Variants in LGI1 observed in about 807,000 individuals in gnomAD.
LGI1 encodes leucine rich glioma inactivated 1, also known as leucine-rich glioma-inactivated protein 1.
In LGI1, 11 loss-of-function variants were observed where a neutral mutation model predicts 57.7. That is an observed-to-expected ratio of 0.19 (90% CI 0.12 to 0.32). The LOEUF (loss-of-function observed/expected upper bound fraction) is 0.32, where lower values mean the gene tolerates loss of function less well. Among genes scored for constraint, LGI1 ranks in the 10% least tolerant of loss-of-function variants. The pLI, the probability that LGI1 is intolerant of heterozygous loss-of-function variation, is 1.00. For synonymous variants in LGI1, 222 were observed against 241.9 expected (o/e 0.92, Z 0.76); for missense variants, 422 against 661.9 (o/e 0.64, Z 3.98).
At chr10:93,793,988 C>CTTTCT (rs1247963279) in intron 7 of LGI1, 3 of 144,638 alleles carry the variant, frequency 2.1e-5, no homozygotes, top group South Asian at 2.3e-4. Flanking sequence ...GAATTTAATT[C>CTTTCT]TTTCTTTTCT....
Position 93,758,671 on chromosome 10 carries a change from A to G in LGI1, c.216-89A>G. 1.1e-6 allele frequency: 1 copy of G among 926,038 alleles called. No homozygotes were observed. The highest frequency in any genetic ancestry group is 1.8e-6 in the Non-Finnish European group (1 of 571,292). The allele number at this position is 926,038 out of a possible 1,614,324, so 57.4% of individuals were successfully genotyped here. A position where few individuals can be genotyped will look rare whatever the true frequency, so the allele number is the denominator to read the frequency against. The stretch of plus-strand genomic sequence containing the variant: ...GTGTCAAAATAGTCACTGTTATGCT[A>G]AACCGGATTAACATAAGGTTTGTTC... On this transcript the variant is annotated intron_variant, in intron 1 of 7. Coordinates refer to ENST00000371418, the MANE Select transcript of LGI1 (RefSeq NM_005097.4). This position sits in a 1 kb window ranked among gnomAD's most constrained non-coding sequence, Gnocchi z 4.7.
At chr10:93,777,741 T>C in intron 4 of LGI1, 124 bp downstream of exon 4, 1 of 719,566 alleles carries the variant, frequency 1.4e-6, no homozygotes, top group African/African-American at 1.8e-5. Flanking sequence ...ATGACTTCTC[T>C]CCATGCACAC....
At position 93,797,405 on chromosome 10, in the gene LGI1, A is replaced by T. The variant is rs1796251875; in HGVS notation, c.1276A>T (p.Ile426Phe). ...ACAATTATTCACTAACCAAACTGAC[A>T]TTCCTAACATGGAGGATGTGTACGC... The part of the protein sequence containing the change: ...ATQLFTNQTD[I>F]PNMEDVYAVK... The change falls in exon 8 of 8, where the codon ATT becomes TTT. Residue 426 changes from isoleucine to phenylalanine, a missense_variant. Coordinates refer to ENST00000371418, the MANE Select transcript of LGI1 (RefSeq NM_005097.4). This position sits in a 1 kb window ranked among gnomAD's most constrained non-coding sequence, Gnocchi z 6.5. The T allele has an allele frequency of 6.2e-7, 1 of 1,614,100 alleles. No homozygotes were observed. Among genetic ancestry groups the T allele is most frequent in the Non-Finnish European group, 8.5e-7 (1 of 1,180,050 alleles).
intron 2 of LGI1, chr10:93,776,919 G>A (rs918107281): frequency 1.2e-4 from 24 of 202,058 alleles, no homozygotes; most frequent in Admixed American, 9.1e-4. Flanking sequence ...TGTCTGTTAC[G>A]AGATGTCACA....
intron 4 of LGI1, among the ~76,000 whole-genome samples, chr10:93,782,240 G>T (rs1246656911): frequency 6.6e-6 from 1 of 152,184 alleles, no homozygotes; most frequent in Non-Finnish European, 1.5e-5. Flanking sequence ...CCTCAGATCA[G>T]TTCCTCGGCT....
chr10:93,792,341 C>A, intron 5 of LGI1: 1 of 187,672 alleles, frequency 5.3e-6, no homozygotes, highest in Non-Finnish European at 1.1e-5. Context: ...GATGATGTGT[C>A]AAAATGATAA....
intron 4 of LGI1, among the ~76,000 whole-genome samples, chr10:93,787,686 T>C (rs1385698257): frequency 4.6e-5 from 7 of 152,026 alleles, no homozygotes; most frequent in Admixed American, 2.6e-4. Flanking sequence ...GGCATGAGGA[T>C]AGCTTGAGCC....
intron 2 of LGI1, among the ~76,000 whole-genome samples, chr10:93,776,564 G>A (rs1469744828): frequency 2.0e-5 from 3 of 152,098 alleles, no homozygotes; most frequent in African/African-American, 7.2e-5. Flanking sequence ...AAGTAAAAGT[G>A]ATAAGCTTTA....
intron 2 of LGI1, chr10:93,776,952 C>A (rs11187663): frequency 0.023 from 5,418 of 232,578 alleles, 325 homozygotes; most frequent in African/African-American, 0.12. Context: ...ATGCAGCTTA[C>A]TTTTTTTTAG....
chr10:93,797,179 C>A lies in LGI1; in HGVS notation c.1050C>A (p.Asp350Glu). Reference protein sequence around the residue: ...IENNWYFVVADSSKAGFTTIY... With the variant: ...IENNWYFVVAESSKAGFTTIY... ...ACAACTGGTACTTTGTTGTTGCTGA[C>A]AGTTCAAAAGCTGGTTTTACTACCA... Residue 350 changes from aspartate to glutamate, a missense_variant, in exon 8 of 8, where the codon GAC (aspartate) becomes GAA (glutamate). Asp to Glu is a conservative substitution (Grantham distance 45). Coordinates refer to ENST00000371418, the MANE Select transcript of LGI1 (RefSeq NM_005097.4). This position sits in a 1 kb window ranked among gnomAD's most constrained non-coding sequence, Gnocchi z 6.5. The A allele has an allele frequency of 6.2e-7, 1 of 1,614,194 alleles. No individual in the cohort carries two copies. The highest frequency in any genetic ancestry group is 8.5e-7 in the Non-Finnish European group (1 of 1,180,042).
intron 4 of LGI1, among the ~76,000 whole-genome samples, chr10:93,781,532 T>C (rs12356127): frequency 0.44 from 66,452 of 151,656 alleles, 15,188 homozygotes; most frequent in Middle Eastern, 0.56. Context: ...CTGTCAAATG[T>C]TGGGATTCTC....
At chr10:93,788,565 G>A (rs1254014658) in intron 4 of LGI1, 1 of 152,176 alleles carries the variant, frequency 6.6e-6, no homozygotes, top group South Asian at 2.1e-4. Context: ...CTGGAGTCAG[G>A]ATTCAAACAT....
At chr10:93,784,686 C>G (rs1163452363) in intron 4 of LGI1, among the ~76,000 whole-genome samples, 2 of 152,126 alleles carry the variant, frequency 1.3e-5, no homozygotes, top group Non-Finnish European at 2.9e-5. Context: ...TTTTCTTCCT[C>G]CTATTCCTAA....
chr10:93,794,362 C>CTTT lies in LGI1; in HGVS notation c.838+1029_838+1031dup, dbSNP rs71031540. ...AAAACTTTTACTTATCTGGATCTCT[C>CTTT]TTTTTTTTTTTTTTTTTTTGAGATG... On this transcript the variant is annotated intron_variant, in intron 7 of 7. Transcript: ENST00000371418. Among the ~76,000 whole-genome samples, 340 of 101,070 alleles carry CTTT rather than the reference C, an allele frequency of 3.4e-3. 4 individuals carry two copies. The highest frequency in any genetic ancestry group is 4.5e-3 in the Non-Finnish European group (243 of 54,306). The allele number at this position is 101,070 out of a possible 152,430, so 66.3% of individuals were successfully genotyped here. A position where few individuals can be genotyped will look rare whatever the true frequency, so the allele number is the denominator to read the frequency against.
Position 93,797,861 on chromosome 10 carries a change from C to T in LGI1, c.*58C>T, listed in dbSNP as rs1321230211. 2 of 1,147,014 alleles carry T rather than the reference C, an allele frequency of 1.7e-6. No homozygotes were observed. Among genetic ancestry groups the T allele is most frequent in the African/African-American group, 3.0e-5 (2 of 65,978 alleles). 71.1% of individuals were successfully genotyped at this position (1,147,014 alleles called of 1,614,324 possible). The stretch of plus-strand genomic sequence containing the variant: ...TTCTACAGTACATGACCCGGATGAA[C>T]TCAATGCATGATGACTCTTCTTATC... On this transcript the variant is annotated 3_prime_UTR_variant, in exon 8 of 8. Transcript: ENST00000371418. The surrounding 1 kb of genome is among the most constrained non-coding windows in gnomAD (Gnocchi z 6.5).
rs544274307 is a variant in LGI1, at chr10:93,767,750, A to G, written c.287+8919A>G. 2.6e-5 allele frequency: 4 copies of G among 152,296 alleles called. No individual in the cohort carries two copies. In the South Asian group the frequency reaches 8.3e-4, roughly 32 times the overall value. 9.4% of individuals were successfully genotyped at this position (152,296 alleles called of 1,614,324 possible). ...TCCTCAGTAGGCTCTCTACCTGGTC[A>G]AGCAATTTAGCACACACCCCTTCTT... On this transcript the variant is annotated intron_variant, in intron 2 of 7. Transcript: ENST00000371418.
intron 2 of LGI1, among the ~76,000 whole-genome samples, chr10:93,766,136 C>T (rs74642434): frequency 0.022 from 3,414 of 152,206 alleles, 41 homozygotes; most frequent in South Asian, 0.036. Flanking sequence ...TCCAAAGGGA[C>T]CTTACCAGGC....
chr10:93,797,784 T>C lies in LGI1; in HGVS notation c.1655T>C (p.Ile552Thr), dbSNP rs760584082. 6.2e-7 allele frequency: 1 copy of C among 1,602,180 alleles called. No individual in the cohort carries two copies. The highest frequency in any genetic ancestry group is 1.1e-5 in the South Asian group (1 of 91,078). ...AATACACAGATTTACAAACATGTCA[T>C]AGTTGACTTAAGCGCATGAGACACC... ...KGNTQIYKHV[I>T]VDLSA Residue 552 changes from isoleucine to threonine, a missense_variant, in exon 8 of 8, where the codon ATA (isoleucine) becomes ACA (threonine). Coordinates refer to ENST00000371418, the MANE Select transcript of LGI1 (RefSeq NM_005097.4). The surrounding 1 kb of genome is among the most constrained non-coding windows in gnomAD (Gnocchi z 6.5).
chr10:93,782,859 C>T (rs983136079), intron 4 of LGI1: 4 of 152,180 alleles, frequency 2.6e-5, no homozygotes, highest in Non-Finnish European at 5.9e-5. Flanking sequence ...GAAACAAACG[C>T]GGTGTTTGAG....
Sources: allele counts gnomAD v4.1 joint callset (sites outside exome capture counted in the v4.1 genomes callset), GRCh38; gene constraint gnomAD v4.1.1; non-coding constraint Gnocchi (gnomAD v3.1); transcripts MANE v1.5; gene names NCBI Gene and HGNC (gene_info 2026-07-23, HGNC 2026-07-21).